Variants in SMAP1 observed in about 807,000 individuals in gnomAD.
SMAP1 encodes the protein stromal membrane-associated protein 1.
SMAP1 carries 24 observed loss-of-function variants against 58.5 expected under a neutral mutation model. The observed-to-expected ratio is 0.41, with a 90% confidence interval of 0.30 to 0.58. SMAP1 has a LOEUF of 0.58. SMAP1 is among the 20% of genes least tolerant of loss of function. SMAP1 has a pLI of 0.29. For missense variants in SMAP1, 563 were observed against 566.3 expected, an observed-to-expected ratio of 0.99 and a Z score of 0.06; for synonymous variants, 216 against 196.6, an observed-to-expected ratio of 1.10 and a Z score of -0.82.
At chr6:70,782,203 A>G (rs1767792538) in intron 4 of SMAP1, among the ~76,000 whole-genome samples, 1 of 152,240 alleles carries the variant, frequency 6.6e-6, no homozygotes, top group Non-Finnish European at 1.5e-5. Context: ...AATATCTGTT[A>G]CAAAATAAAT....
intron 2 of SMAP1, among the ~76,000 whole-genome samples, chr6:70,751,017 A>T (rs544367931): frequency 1.2e-4 from 18 of 152,316 alleles, no homozygotes; most frequent in African/African-American, 4.1e-4. Flanking sequence ...AGGCGGGCAG[A>T]TCATCTGAGG....
rs186765043 is a variant in SMAP1 at position 70,725,447 on chromosome 6, A to G, written c.119-6931A>G. 6.2e-3 allele frequency among the ~76,000 whole-genome samples: 942 copies of G among 152,134 alleles called. 12 individuals carry two copies. The highest frequency in any genetic ancestry group is 0.022 in the African/African-American group (895 of 41,498). ...TGTTTCCTGGTTTTCCTGGTAGTTCACAAACATACCCGACCCATAGTATAG... is the reference window on the plus strand; with the variant it reads ...TGTTTCCTGGTTTTCCTGGTAGTTCGCAAACATACCCGACCCATAGTATAG... On this transcript the variant is annotated intron_variant, in intron 1 of 10. Coordinates refer to ENST00000370455, the MANE Select transcript of SMAP1 (RefSeq NM_001044305.3).
chr6:70,858,037 G>A lies in SMAP1; in HGVS notation c.1077G>A (p.Val359=), dbSNP rs757848545. ...CAGCTCCTGGCCTTATAGGAAATGT[G>A]ATGGGACAGAGTCCAAGCATGATGG... ...VPAAPGLIGN[V]MGQSPSMMVG... The change falls in exon 10 of 11, where the codon GTG becomes GTA. Residue 359 remains valine, a synonymous_variant. Coordinates refer to ENST00000370455, the MANE Select transcript of SMAP1 (RefSeq NM_001044305.3). 1.9e-6 allele frequency: 3 copies of A among 1,614,146 alleles called. No individual in the cohort carries two copies. Among genetic ancestry groups the A allele is most frequent in the Non-Finnish European group, 2.5e-6 (3 of 1,180,002 alleles).
intron 1 of SMAP1, among the ~76,000 whole-genome samples, chr6:70,729,602 G>C (rs1239632963): frequency 3.9e-5 from 6 of 151,934 alleles, no homozygotes; most frequent in African/African-American, 9.7e-5. Context: ...TGGATCTCCT[G>C]CAGTTTTCTG....
intron 8 of SMAP1, among the ~76,000 whole-genome samples, chr6:70,856,412 G>A (rs930078703): frequency 3.9e-5 from 6 of 152,174 alleles, no homozygotes; most frequent in African/African-American, 1.4e-4. Context: ...CTATGATACA[G>A]GTTTTGAAAA....
chr6:70,669,154 C>G (rs941889958), intron 1 of SMAP1, among the ~76,000 whole-genome samples: 1 of 151,612 alleles, frequency 6.6e-6, no homozygotes, highest in African/African-American at 2.4e-5. Flanking sequence ...AAGAAAAGAT[C>G]GTGTATATTT....
intron 3 of SMAP1, among the ~76,000 whole-genome samples, chr6:70,764,933 G>C (rs992268220): frequency 1.3e-5 from 2 of 152,030 alleles, no homozygotes; most frequent in African/African-American, 4.8e-5. Flanking sequence ...CTGAGTATTT[G>C]GGACTACAGG....
chr6:70,793,325 G>A (rs572790691), intron 5 of SMAP1, among the ~76,000 whole-genome samples: 30 of 152,264 alleles, frequency 2.0e-4, no homozygotes, highest in African/African-American at 7.0e-4. Flanking sequence ...AAGCCACTGC[G>A]CCTGGCCAAG....
chr6:70,860,064 G>T, intron 10 of SMAP1, 136 bp from the exon 11 acceptor site: 1 of 954,638 alleles, frequency 1.0e-6, no homozygotes, highest in Non-Finnish European at 1.5e-6. Context: ...AGAAATATTT[G>T]TATGGTACTC....
chr6:70,668,056 G>A lies in SMAP1; in HGVS notation c.33G>A (p.Gln11=). MATRSCREKA[Q]KLNEQHQLIL... is the part of the protein sequence containing the mutation. ...CGCGCTCCTGTCGGGAGAAGGCTCA[G>A]AAGCTGAACGAGCAGCACCAGCTCA... The change falls in exon 1 of 11, where the codon CAG becomes CAA. Residue 11 remains glutamine (Q), a synonymous_variant. Coordinates refer to ENST00000370455, the MANE Select transcript of SMAP1 (RefSeq NM_001044305.3). 1 of 1,604,358 alleles carries A rather than the reference G, an allele frequency of 6.2e-7. No homozygotes were observed. The highest frequency in any genetic ancestry group is 1.1e-5 in the South Asian group (1 of 89,922).
rs375001540 is a variant in SMAP1, at chr6:70,755,782, C to T, written c.338+717C>T. Among the ~76,000 whole-genome samples the T allele has an allele frequency of 5.3e-5, 8 of 151,924 alleles. No individual in the cohort carries two copies. The East Asian group carries it at 1.3e-3, about 26-fold the overall frequency. On this transcript the variant is annotated intron_variant, in intron 3 of 10. Transcript: ENST00000370455. ...TACTAGAAACTTGATTTGTAAGCAT[C>T]CTGAGTATGTTAGAAATCATTTCCA...
intron 4 of SMAP1, 137 bp downstream of exon 4, chr6:70,773,562 G>A (rs555542454): frequency 1.9e-6 from 1 of 524,672 alleles, no homozygotes; most frequent in South Asian, 3.0e-5. Context: ...AACTTTTTTG[G>A]TTATATAATG....
intron 2 of SMAP1, among the ~76,000 whole-genome samples, chr6:70,738,465 A>G (rs1765698739): frequency 6.6e-6 from 1 of 151,974 alleles, no homozygotes; most frequent in Admixed American, 6.6e-5. Context: ...AAGAAAAAAA[A>G]AAAAAAACCA....
intron 4 of SMAP1, among the ~76,000 whole-genome samples, chr6:70,774,251 G>T (rs143356695): frequency 6.6e-6 from 1 of 152,134 alleles, no homozygotes; most frequent in Non-Finnish European, 1.5e-5. Flanking sequence ...AATGACACAG[G>T]ACTGTTATGT....
rs530572849 is a variant in SMAP1, at chr6:70,739,158, CT to C, written c.252+6650del. Among the ~76,000 whole-genome samples the C allele has an allele frequency of 2.0e-3, 300 of 152,196 alleles. 1 individual carries two copies. Among genetic ancestry groups the C allele is most frequent in the African/African-American group, 6.9e-3 (286 of 41,540 alleles). On this transcript the variant is annotated intron_variant, in intron 2 of 10. Transcript: ENST00000370455. ...TAGAGCGGATTCCAAGAATGTATTG[CT>C]TTGATCCTTCCTCCTGGGTGCTGTC...
At chr6:70,745,485 G>A (rs531543742) in intron 2 of SMAP1, among the ~76,000 whole-genome samples, 1 of 152,290 alleles carries the variant, frequency 6.6e-6, no homozygotes, top group South Asian at 2.1e-4. Context: ...GATGGTTGTA[G>A]ATGTGTGGTG....
At chr6:70,721,824 C>T (rs915732061) in intron 1 of SMAP1, among the ~76,000 whole-genome samples, 8 of 152,074 alleles carry the variant, frequency 5.3e-5, no homozygotes, top group Admixed American at 2.6e-4. Flanking sequence ...CTGATAAACC[C>T]GTCAGATTTC....
At chr6:70,689,954 C>T (rs565019450) in intron 1 of SMAP1, among the ~76,000 whole-genome samples, 10 of 152,178 alleles carry the variant, frequency 6.6e-5, no homozygotes, top group African/African-American at 1.2e-4. Flanking sequence ...TAGCTTTTTT[C>T]GTGGATTCTA....
intron 1 of SMAP1, among the ~76,000 whole-genome samples, chr6:70,726,618 A>G (rs62419705): frequency 1.2e-4 from 19 of 152,216 alleles, no homozygotes; most frequent in Non-Finnish European, 2.5e-4. Flanking sequence ...CAGAAACTGA[A>G]GAGAAATTTC....
Sources: gnomAD v4.1 joint callset for allele counts (sites outside exome capture counted in the v4.1 genomes callset) on GRCh38, gnomAD v4.1.1 for gene constraint, MANE v1.5 for transcripts, NCBI Gene and HGNC (gene_info 2026-07-23, HGNC 2026-07-21) for gene names.